LINGO2: variants seen among roughly 807,000 people sequenced by gnomAD.
LINGO2 encodes the protein leucine rich repeat and Ig domain containing 2, also known as leucine-rich repeat and immunoglobulin-like domain-containing nogo receptor-interacting protein 2.
In LINGO2, 14 loss-of-function variants were observed where a neutral mutation model predicts 30.6. That is an observed-to-expected ratio of 0.46 (90% CI 0.30 to 0.72). The LOEUF is 0.72. Ranked by LOEUF, LINGO2 falls within the 30% of genes least tolerant of loss-of-function variation. The pLI, the probability that LINGO2 is intolerant of heterozygous loss-of-function variation, is 0.07. For missense variants in LINGO2, 729 were observed against 751.7 expected, an observed-to-expected ratio of 0.97 and a Z score of 0.35; for synonymous variants, 317 against 288.5, an observed-to-expected ratio of 1.10 and a Z score of -1.00.
At position 28,234,956 on chromosome 9, in the gene LINGO2, T is replaced by C. The variant is rs76742307; in HGVS notation, c.-87+60252A>G. On this transcript the variant is annotated intron_variant, in intron 4 of 5. Transcript: ENST00000379992. ...AGCTAGGATGCAAGAGAGTAGAACA[T>C]AAGGTGAATTGCTAAGATTTTTGAC... Among the ~76,000 whole-genome samples the C allele has an allele frequency of 1.4e-3, 209 of 152,312 alleles. 1 individual carries two copies. Among genetic ancestry groups the C allele is most frequent in the African/African-American group, 4.8e-3 (200 of 41,576 alleles).
chr9:28,016,492 T>C (rs1822844598), intron 4 of LINGO2, among the ~76,000 whole-genome samples: 1 of 151,988 alleles, frequency 6.6e-6, no homozygotes, highest in African/African-American at 2.4e-5. Flanking sequence ...TCGGAAGTTC[T>C]TATAGTAAAA....
the LINGO2 span, among the ~76,000 whole-genome samples, chr9:28,766,591 G>A: frequency 6.6e-6 from 1 of 151,982 alleles, no homozygotes; most frequent in East Asian, 1.9e-4. Context: ...CCCCAAAGGA[G>A]TGAAATCAGC....
chr9:28,938,492 T>C, the LINGO2 span, among the ~76,000 whole-genome samples: 1 of 152,198 alleles, frequency 6.6e-6, no homozygotes, highest in Admixed American at 6.5e-5. Context: ...CTATCAATGA[T>C]GGGCCACATA....
rs547507132 is a variant in LINGO2, at chr9:28,221,874, T to G, written c.-87+73334A>C. ...CCAACAGGATATACTAATTTCTGTTTTTAGATTTCCTTCAGAGTAAGTTAA... is the reference window on the plus strand; with the variant it reads ...CCAACAGGATATACTAATTTCTGTTGTTAGATTTCCTTCAGAGTAAGTTAA... On this transcript the variant is annotated intron_variant, in intron 4 of 5. Transcript: ENST00000379992. Among the ~76,000 whole-genome samples the G allele has an allele frequency of 3.3e-5, 5 of 152,336 alleles. No homozygotes were observed. The East Asian group carries it at 7.7e-4, about 23-fold the overall frequency.
intron 1 of LINGO2, among the ~76,000 whole-genome samples, chr9:28,665,412 C>A (rs1390402655): frequency 6.6e-6 from 1 of 151,938 alleles, no homozygotes; most frequent in African/African-American, 2.4e-5. Context: ...CACACACATG[C>A]AAATAAATCT....
chr9:28,083,866 A>C (rs1825838602), intron 4 of LINGO2, among the ~76,000 whole-genome samples: 1 of 152,196 alleles, frequency 6.6e-6, no homozygotes, highest in Non-Finnish European at 1.5e-5. Context: ...TCAAAGTGAA[A>C]AAGGAATAAA....
chr9:27,980,913 G>A (rs1820823517), intron 5 of LINGO2, among the ~76,000 whole-genome samples: 1 of 151,852 alleles, frequency 6.6e-6, no homozygotes, highest in Non-Finnish European at 1.5e-5. Flanking sequence ...GGAACTAAAG[G>A]CAATTTGAAG....
intron 1 of LINGO2, among the ~76,000 whole-genome samples, chr9:28,606,957 T>G (rs1825718673): frequency 6.6e-6 from 1 of 152,098 alleles, no homozygotes; most frequent in Non-Finnish European, 1.5e-5. Context: ...TACATTTCAT[T>G]TATTAGGAGC....
the LINGO2 span, among the ~76,000 whole-genome samples, chr9:29,136,665 T>C: frequency 6.6e-6 from 1 of 152,180 alleles, no homozygotes; most frequent in East Asian, 1.9e-4. Context: ...CTTCCACTTA[T>C]TAAATATTGC....
At chr9:28,094,344 A>G (rs1826183023) in intron 4 of LINGO2, among the ~76,000 whole-genome samples, 1 of 152,082 alleles carries the variant, frequency 6.6e-6, no homozygotes, top group Non-Finnish European at 1.5e-5. Flanking sequence ...TAGTTTGCCT[A>G]TATTTCTGTA....
At chr9:28,127,250 G>A (rs1827262356) in intron 4 of LINGO2, among the ~76,000 whole-genome samples, 2 of 152,146 alleles carry the variant, frequency 1.3e-5, no homozygotes, top group Non-Finnish European at 2.9e-5. Context: ...TATAAACGAT[G>A]TCCAGGGATT....
chr9:28,608,570 G>A (rs1242521296), intron 1 of LINGO2, among the ~76,000 whole-genome samples: 1 of 151,900 alleles, frequency 6.6e-6, no homozygotes, highest in African/African-American at 2.4e-5. Flanking sequence ...TAGGTTTGTT[G>A]AAGTTTAATA....
chr9:28,599,816 A>G (rs1275642201), intron 1 of LINGO2, among the ~76,000 whole-genome samples: 1 of 152,148 alleles, frequency 6.6e-6, no homozygotes, highest in Non-Finnish European at 1.5e-5. Context: ...CTTTTTCTAT[A>G]TTAAATAAAA....
At chr9:28,440,625 A>T (rs1212030998) in intron 2 of LINGO2, among the ~76,000 whole-genome samples, 3 of 152,196 alleles carry the variant, frequency 2.0e-5, no homozygotes. Context: ...GAAAACAACA[A>T]AAGTAATTTA....
chr9:28,594,788 T>C (rs1825095466), intron 1 of LINGO2, among the ~76,000 whole-genome samples: 1 of 152,028 alleles, frequency 6.6e-6, no homozygotes, highest in Non-Finnish European at 1.5e-5. Context: ...GAAAGATAGC[T>C]TTATATCCTA....
At chr9:28,378,191 C>T (rs1821205630) in intron 2 of LINGO2, among the ~76,000 whole-genome samples, 1 of 152,136 alleles carries the variant, frequency 6.6e-6, no homozygotes, top group African/African-American at 2.4e-5. Flanking sequence ...AAAACTAGAG[C>T]ATTCCAAGAA....
chr9:28,584,329 A>G (rs1824419244), intron 1 of LINGO2, among the ~76,000 whole-genome samples: 1 of 152,130 alleles, frequency 6.6e-6, no homozygotes, highest in Non-Finnish European at 1.5e-5. Context: ...TAACAAATGT[A>G]CTTGAGAGCA....
chr9:28,459,137 G>T (rs1355868731), intron 2 of LINGO2, among the ~76,000 whole-genome samples: 1 of 151,858 alleles, frequency 6.6e-6, no homozygotes, highest in Non-Finnish European at 1.5e-5. Context: ...AAAAATAAAT[G>T]ATGCTTAAAT....
intron 4 of LINGO2, among the ~76,000 whole-genome samples, chr9:28,293,545 G>T (rs532284731): frequency 1.6e-4 from 24 of 152,176 alleles, no homozygotes; most frequent in African/African-American, 5.1e-4. Context: ...CAGTTGAAAA[G>T]AATGTATATT....
Sources: gnomAD v4.1 joint callset for allele counts (sites outside exome capture counted in the v4.1 genomes callset) on GRCh38, gnomAD v4.1.1 for gene constraint, MANE v1.5 for transcripts, NCBI Gene and HGNC (gene_info 2026-07-23, HGNC 2026-07-21) for gene names.